ARHGAP18: variants seen among roughly 807,000 people sequenced by gnomAD.
ARHGAP18 encodes Rho GTPase activating protein 18.
In ARHGAP18, 67 loss-of-function variants were observed where a neutral mutation model predicts 86.2. That is an observed-to-expected ratio of 0.78 (90% CI 0.64 to 0.95). The LOEUF is 0.95. Among genes scored for constraint, ARHGAP18 ranks in the 40% least tolerant of loss-of-function variants. The pLI, the probability that ARHGAP18 is intolerant of heterozygous loss-of-function variation, is 0.00. For missense variants in ARHGAP18, 691 were observed against 780.4 expected (o/e 0.89, Z 1.37); for synonymous variants, 283 against 280.4 (o/e 1.01, Z -0.09).
chr6:129,671,662 G>A (rs918706212), intron 1 of ARHGAP18, among the ~76,000 whole-genome samples: 6 of 152,100 alleles, frequency 3.9e-5, no homozygotes, highest in Admixed American at 2.6e-4. Context: ...AGCTATGATC[G>A]TTTACCTGCA....
intron 1 of ARHGAP18, among the ~76,000 whole-genome samples, chr6:129,652,210 T>G (rs572580607): frequency 6.6e-6 from 1 of 152,326 alleles, no homozygotes; most frequent in South Asian, 2.1e-4. Flanking sequence ...TGAAGCCCCC[T>G]CGCAGTCCAT....
chr6:129,664,353 A>G (rs1774003619), intron 1 of ARHGAP18, among the ~76,000 whole-genome samples: 1 of 151,998 alleles, frequency 6.6e-6, no homozygotes, highest in African/African-American at 2.4e-5. Context: ...CCTACCCTCA[A>G]TGGATCATGG....
intron 1 of ARHGAP18, among the ~76,000 whole-genome samples, chr6:129,649,904 CTT>C (rs370338328): frequency 8.6e-6 from 1 of 115,640 alleles, no homozygotes; most frequent in African/African-American, 3.9e-5. Flanking sequence ...ACTTCGTCTT[CTT>C]TTTTTTTGTT....
At chr6:129,668,620 G>A (rs1774086872) in intron 1 of ARHGAP18, among the ~76,000 whole-genome samples, 1 of 152,036 alleles carries the variant, frequency 6.6e-6, no homozygotes, top group Non-Finnish European at 1.5e-5. Flanking sequence ...CCCCCACTAT[G>A]GCCAAACAGT....
chr6:129,624,305 C>G (rs950729983), intron 5 of ARHGAP18, among the ~76,000 whole-genome samples: 2 of 149,938 alleles, frequency 1.3e-5, no homozygotes, highest in Non-Finnish European at 3.0e-5. Flanking sequence ...CTGAGGCAGG[C>G]GGATCACAAG....
intron 12 of ARHGAP18, chr6:129,596,992 A>G (rs576958725): frequency 1.3e-5 from 2 of 152,338 alleles, no homozygotes. Flanking sequence ...TGGAAGCAAC[A>G]TGCAAAAAAC....
At chr6:129,626,199 G>A (rs1178714322) in intron 5 of ARHGAP18, among the ~76,000 whole-genome samples, 1 of 149,708 alleles carries the variant, frequency 6.7e-6, no homozygotes, top group African/African-American at 2.5e-5. Context: ...GGAGTACAAT[G>A]TATCTAATAA....
At chr6:129,664,661 G>T (rs1055874653) in intron 1 of ARHGAP18, among the ~76,000 whole-genome samples, 1 of 152,178 alleles carries the variant, frequency 6.6e-6, no homozygotes, top group African/African-American at 2.4e-5. Context: ...TGAAGTAAAT[G>T]AATTTGAGCA....
intron 5 of ARHGAP18, among the ~76,000 whole-genome samples, chr6:129,628,026 A>C (rs1309303319): frequency 6.6e-6 from 1 of 152,138 alleles, no homozygotes; most frequent in African/African-American, 2.4e-5. Flanking sequence ...GCCATGGGCT[A>C]ATGAATGTTG....
At chr6:129,690,962 A>G (rs1002540337) in intron 1 of ARHGAP18, among the ~76,000 whole-genome samples, 2 of 152,210 alleles carry the variant, frequency 1.3e-5, no homozygotes, top group Admixed American at 1.3e-4. Context: ...TTTAAATGCT[A>G]CTCGAATGCA....
At chr6:129,626,065 T>TACACACACACACACACACACAC (rs71028169) in intron 5 of ARHGAP18, among the ~76,000 whole-genome samples, 2 of 101,532 alleles carry the variant, frequency 2.0e-5, no homozygotes, top group African/African-American at 3.7e-5. Context: ...TATACACATA[T>TACACACACACACACACACACAC]ACACACACAC....
chr6:129,696,198 G>A (rs1458131587), intron 1 of ARHGAP18, among the ~76,000 whole-genome samples: 1 of 152,180 alleles, frequency 6.6e-6, no homozygotes, highest in African/African-American at 2.4e-5. Context: ...TACTGCATCT[G>A]TGTCCCATAG....
intron 12 of ARHGAP18, among the ~76,000 whole-genome samples, chr6:129,595,551 C>T (rs752424363): frequency 6.6e-6 from 1 of 152,088 alleles, no homozygotes; most frequent in Non-Finnish European, 1.5e-5. Flanking sequence ...TTATATACTC[C>T]CATCAACAAG....
intron 7 of ARHGAP18, among the ~76,000 whole-genome samples, chr6:129,615,282 A>G (rs973215140): frequency 2.0e-5 from 3 of 152,208 alleles, no homozygotes; most frequent in Non-Finnish European, 4.4e-5. Flanking sequence ...CATGTTCTGC[A>G]TGCAGTGGCT....
chr6:129,592,378 C>G (rs181056409), intron 12 of ARHGAP18, among the ~76,000 whole-genome samples: 1 of 152,338 alleles, frequency 6.6e-6, no homozygotes, highest in Non-Finnish European at 1.5e-5. Context: ...CTACACCGCA[C>G]TGCTGCCAAT....
At chr6:129,655,317 CAAA>C (rs55681217) in intron 1 of ARHGAP18, among the ~76,000 whole-genome samples, 30 of 75,070 alleles carry the variant, frequency 4.0e-4, no homozygotes, top group African/African-American at 1.2e-3. Flanking sequence ...AAAACTCTCT[CAAA>C]AAAAAAAAAA....
chr6:129,583,845 G>T, intron 13 of ARHGAP18, 143 bp downstream of exon 13: 1 of 1,031,024 alleles, frequency 9.7e-7, no homozygotes, highest in Non-Finnish European at 1.4e-6. Context: ...TCTTCTGCTG[G>T]GAAGACAATA....
At chr6:129,605,568 A>G (rs1165790200) in intron 10 of ARHGAP18, among the ~76,000 whole-genome samples, 1 of 152,182 alleles carries the variant, frequency 6.6e-6, no homozygotes, top group Non-Finnish European at 1.5e-5. Flanking sequence ...ATGCAAAAAA[A>G]AGAAATAAGA....
chr6:129,623,931 ATAGAT>A (rs1458183531), intron 5 of ARHGAP18, among the ~76,000 whole-genome samples: 1 of 152,216 alleles, frequency 6.6e-6, no homozygotes, highest in African/African-American at 2.4e-5. Flanking sequence ...TCTCTGAAGA[ATAGAT>A]TAAAGTTTCC....
Sources: allele counts gnomAD v4.1 joint callset (sites outside exome capture counted in the v4.1 genomes callset), GRCh38; gene constraint gnomAD v4.1.1; transcripts MANE v1.5; gene names NCBI Gene and HGNC (gene_info 2026-07-23, HGNC 2026-07-21).